The following MAP3K21 variants were observed in gnomAD, a reference collection of about 807,000 sequenced individuals.
MAP3K21 encodes mitogen-activated protein kinase kinase kinase 21.
MAP3K21 carries 63 observed loss-of-function variants against 86.1 expected under a neutral mutation model. The observed-to-expected ratio is 0.73, with a 90% CI of 0.60 to 0.90. MAP3K21 has a LOEUF of 0.90. Ranked by LOEUF, MAP3K21 falls within the 40% of genes least tolerant of loss-of-function variation. The probability of loss-of-function intolerance (pLI) is 0.00; values close to 1 mark genes in which losing one functional copy is unlikely to be tolerated. For synonymous variants in MAP3K21, 558 were observed against 564.8 expected, an observed-to-expected ratio of 0.99 and a Z score of 0.17; for missense variants, 1,220 against 1,367.7, an observed-to-expected ratio of 0.89 and a Z score of 1.70.
chr1:233,336,032 C>A (rs143347038), intron 1 of MAP3K21, among the ~76,000 whole-genome samples: 1 of 152,196 alleles, frequency 6.6e-6, no homozygotes, highest in East Asian at 1.9e-4. Flanking sequence ...ATGATTAGTT[C>A]TGTTGATCCA....
rs760828507 is a variant in MAP3K21, at chr1:233,379,710, A to G, written c.2704A>G (p.Thr902Ala). The G allele has an allele frequency of 1.9e-6, 3 of 1,605,508 alleles. No homozygotes were observed. The highest frequency in any genetic ancestry group is 1.3e-5 in the African/African-American group (1 of 74,856). The change falls in exon 9 of 10, where the codon ACT becomes GCT. Residue 902 changes from threonine to alanine, a missense_variant and splice_region_variant. Coordinates refer to ENST00000366624, the MANE Select transcript of MAP3K21 (RefSeq NM_032435.3). ...RTMSDGNPTP[T>A]GATIISATGA... ...CATGTCTGATGGAAATCCGACCCCA[A>G]GTAGGTTGCATTAATTAGGTAAAAG...
intron 8 of MAP3K21, among the ~76,000 whole-genome samples, chr1:233,377,255 G>A (rs950288768): frequency 2.6e-5 from 4 of 152,250 alleles, no homozygotes; most frequent in South Asian, 2.1e-4. Flanking sequence ...GATGGAAATC[G>A]TTGAAAAACT....
rs1662759447 is a variant in MAP3K21 at position 233,328,800 on chromosome 1, C to T, written c.772C>T (p.Pro258Ser). The T allele has an allele frequency of 1.9e-6, 3 of 1,542,650 alleles. No homozygotes were observed. Among genetic ancestry groups the T allele is most frequent in the Non-Finnish European group, 2.6e-6 (3 of 1,143,626 alleles). Residue 258 changes from proline (P) to serine (S), a missense_variant, in exon 1 of 10, where the codon CCC (proline) becomes TCC (serine). By Grantham distance (74) the Pro-to-Ser change is moderately conservative. Transcript: ENST00000366624. The surrounding 1 kb of genome is among the most constrained non-coding windows in gnomAD (Gnocchi z 8.7). Reference sequence around the variant, plus strand: ...CTACCTGCATGAGGAGGCCTTCGTGCCCATCCTGCACCGGGACCTCAAGTC... The same window carrying T: ...CTACCTGCATGAGGAGGCCTTCGTGTCCATCCTGCACCGGGACCTCAAGTC... ...MLYLHEEAFV[P>S]ILHRDLKSSN...
chr1:233,362,358 GT>G (rs1330936314), intron 5 of MAP3K21, 65 bp downstream of exon 5: 1 of 1,560,974 alleles, frequency 6.4e-7, no homozygotes, highest in East Asian at 2.2e-5. Context: ...AGTTTTCTTT[GT>G]TCATCAGAAC....
chr1:233,378,914 C>T lies in MAP3K21; in HGVS notation c.1925-17C>T, dbSNP rs780035686. 2.5e-6 allele frequency: 4 copies of T among 1,576,658 alleles called. No individual in the cohort carries two copies. Among genetic ancestry groups the T allele is most frequent in the Non-Finnish European group, 2.6e-6 (3 of 1,155,218 alleles). ...GTAAAATGATACTACAGTGTATGTA[C>T]TTATACCTTTATTTAGGGTCCTGTG... On this transcript the variant is annotated splice_polypyrimidine_tract_variant and intron_variant, in intron 8 of 9. Coordinates refer to ENST00000366624, the MANE Select transcript of MAP3K21 (RefSeq NM_032435.3).
In MAP3K21 at chr1:233,332,722, A is replaced by G. The variant is rs1662832601; in HGVS notation, c.805+3889A>G. Among the ~76,000 whole-genome samples the G allele has an allele frequency of 8.5e-5, 13 of 152,248 alleles. 1 individual carries two copies. In the South Asian group the frequency reaches 2.7e-3, roughly 31 times the overall value. On this transcript the variant is annotated intron_variant, in intron 1 of 9. Coordinates refer to ENST00000366624, the MANE Select transcript of MAP3K21 (RefSeq NM_032435.3). ...ATTCCCAAGGATGGTTTGAAATATTAGAATTTTGTTTAAGAGTTTTATTTA... is the reference window on the plus strand; with the variant it reads ...ATTCCCAAGGATGGTTTGAAATATTGGAATTTTGTTTAAGAGTTTTATTTA...
chr1:233,358,158 G>A (rs1460759989), intron 4 of MAP3K21, among the ~76,000 whole-genome samples: 1 of 151,350 alleles, frequency 6.6e-6, no homozygotes, highest in African/African-American at 2.4e-5. Context: ...AGCCATCACT[G>A]TAACCCTGTG....
intron 1 of MAP3K21, among the ~76,000 whole-genome samples, chr1:233,344,022 TAGGCAG>T (rs1663086787): frequency 6.6e-6 from 1 of 152,204 alleles, no homozygotes; most frequent in South Asian, 2.1e-4. Flanking sequence ...TGCATGGTTC[TAGGCAG>T]AGGCAGATCA....
intron 5 of MAP3K21, among the ~76,000 whole-genome samples, chr1:233,368,200 G>A (rs1234733296): frequency 6.6e-6 from 1 of 152,192 alleles, no homozygotes; most frequent in African/African-American, 2.4e-5. Context: ...GTAACAATCA[G>A]GTGGCTAGCT....
At chr1:233,378,657 A>G (rs1331014751) in intron 8 of MAP3K21, among the ~76,000 whole-genome samples, 2 of 152,156 alleles carry the variant, frequency 1.3e-5, no homozygotes, top group African/African-American at 2.4e-5. Context: ...AATAGTGTCT[A>G]TTATTGAAGC....
intron 8 of MAP3K21, among the ~76,000 whole-genome samples, 188 bp from the exon 9 acceptor site, chr1:233,378,743 G>A (rs550933929): frequency 6.6e-6 from 1 of 152,158 alleles, no homozygotes; most frequent in Non-Finnish European, 1.5e-5. Flanking sequence ...GGAACCTGAA[G>A]TTGTAGGGCC....
chr1:233,367,266 T>A (rs1030753664), intron 5 of MAP3K21, among the ~76,000 whole-genome samples: 1 of 152,230 alleles, frequency 6.6e-6, no homozygotes, highest in African/African-American at 2.4e-5. Context: ...TAACCTCACC[T>A]GGATTCTTTA....
At chr1:233,358,763 C>G (rs1290655047) in intron 4 of MAP3K21, among the ~76,000 whole-genome samples, 1 of 151,648 alleles carries the variant, frequency 6.6e-6, no homozygotes, top group Non-Finnish European at 1.5e-5. Flanking sequence ...CTGCTGCACT[C>G]CAGCCTGGGC....
At chr1:233,335,693 C>T (rs1662898881) in intron 1 of MAP3K21, among the ~76,000 whole-genome samples, 1 of 152,136 alleles carries the variant, frequency 6.6e-6, no homozygotes, top group African/African-American at 2.4e-5. Flanking sequence ...TATTTGCTTT[C>T]AGGACTCCCA....
intron 1 of MAP3K21, among the ~76,000 whole-genome samples, chr1:233,330,041 A>G (rs1662782380): frequency 6.6e-6 from 1 of 152,236 alleles, no homozygotes; most frequent in Non-Finnish European, 1.5e-5. Flanking sequence ...TTGGCCTACA[A>G]CAGCTGGAGG....
At chr1:233,364,916 A>G (rs1663546047) in intron 5 of MAP3K21, among the ~76,000 whole-genome samples, 2 of 152,304 alleles carry the variant, frequency 1.3e-5, no homozygotes, top group South Asian at 4.1e-4. Context: ...TATCATCTTA[A>G]TATTAATAAT....
In MAP3K21 at chr1:233,353,779, T is replaced by C. The variant is rs74946529; in HGVS notation, c.987-28T>C. 1.8e-3 allele frequency: 2,804 copies of C among 1,540,746 alleles called. 56 individuals are homozygous for C. The African/African-American group carries it at 0.035, about 19-fold the overall frequency. On this transcript the variant is annotated intron_variant, in intron 2 of 9. Transcript: ENST00000366624. ...TAAGGAAAAGACACTGTTTAGCCCA[T>C]TGAGCATATGAAATCCTTGCTTTCT...
chr1:233,328,679 C>CGCCCCGGACCCGCGCGCGCCCG lies in MAP3K21; in HGVS notation c.657_678dup (p.Arg227GlyfsTer34). On this transcript the variant is annotated frameshift_variant, in exon 1 of 10. Transcript: ENST00000366624. LOFTEE classifies it high-confidence loss of function. This position sits in a 1 kb window ranked among gnomAD's most constrained non-coding sequence, Gnocchi z 8.7. ...ACCGAGCGCTGGCCGCTGCCAACGC[C>CGCCCCGGACCCGCGCGCGCCCG]GCCCCGGACCCGCGCGCGCCCGGCC... 7.6e-7 allele frequency: 1 copy of CGCCCCGGACCCGCGCGCGCCCG among 1,321,032 alleles called. No individual in the cohort carries two copies. Among genetic ancestry groups the CGCCCCGGACCCGCGCGCGCCCG allele is most frequent in the Non-Finnish European group, 9.6e-7 (1 of 1,037,720 alleles). 81.8% of individuals were successfully genotyped at this position (1,321,032 alleles called of 1,614,324 possible).
intron 1 of MAP3K21, among the ~76,000 whole-genome samples, chr1:233,340,420 T>C (rs1462605874): frequency 6.6e-6 from 1 of 152,136 alleles, no homozygotes; most frequent in African/African-American, 2.4e-5. Context: ...GCTGTAGATT[T>C]TAGAAATGGC....
Sources: allele counts gnomAD v4.1 joint callset (sites outside exome capture counted in the v4.1 genomes callset), GRCh38; gene constraint gnomAD v4.1.1; non-coding constraint Gnocchi (gnomAD v3.1); transcripts MANE v1.5; gene names NCBI Gene and HGNC (gene_info 2026-07-23, HGNC 2026-07-21).